The following MPPE1 variants were observed in gnomAD, a reference collection of about 807,000 sequenced individuals.
MPPE1 encodes metallophosphoesterase 1.
A neutral mutation model predicts 43.8 loss-of-function variants in MPPE1; 28 were observed. That is an observed-to-expected ratio of 0.64 (90% CI 0.47 to 0.88). The LOEUF is 0.88. Ranked by LOEUF, MPPE1 falls within the 40% of genes least tolerant of loss-of-function variation. MPPE1 has a pLI of 0.00. For missense variants in MPPE1, 428 were observed against 492.2 expected (o/e 0.87, Z 1.23); for synonymous variants, 159 against 188.5 (o/e 0.84, Z 1.28).
Position 11,884,621 on chromosome 18 carries a change from T to C in MPPE1, c.1015A>G (p.Ile339Val). ...GAGAGGGTGTAGTCTGTGGGCGTGA[T>C]GCTACCCTGGAAAGGAGAAGGGAAA... ...RNNPSFIMGSITPTDYTLSKC... is the reference protein window; with the variant it reads ...RNNPSFIMGSVTPTDYTLSKC... Residue 339 changes from isoleucine to valine, a missense_variant, in exon 11 of 11, where the codon ATC becomes GTC. Physicochemically the swap from Ile to Val is conservative, Grantham distance 29. Coordinates refer to ENST00000588072, the MANE Select transcript of MPPE1 (RefSeq NM_023075.6). The C allele has an allele frequency of 6.2e-7, 1 of 1,613,292 alleles. No individual in the cohort carries two copies. Among genetic ancestry groups the C allele is most frequent in the Non-Finnish European group, 8.5e-7 (1 of 1,179,780 alleles).
At position 11,891,058 on chromosome 18, in the gene MPPE1, A is replaced by C. The variant is rs1399082530; in HGVS notation, c.391-1568T>G. The stretch of plus-strand genomic sequence containing the variant: ...AGGGTAGGGAAAAAAAACAAAAAAA[A>C]CCTCTATTCTAGATAGTAACCAACT... On this transcript the variant is annotated intron_variant, in intron 4 of 10. Coordinates refer to ENST00000588072, the MANE Select transcript of MPPE1 (RefSeq NM_023075.6). 7 of 152,194 alleles carry C rather than the reference A, an allele frequency of 4.6e-5. No homozygotes were observed. The East Asian group carries it at 7.7e-4, about 17-fold the overall frequency. The allele number at this position is 152,194 out of a possible 1,614,324, so 9.4% of individuals were successfully genotyped here.
chr18:11,894,542 T>C (rs1010036662), intron 3 of MPPE1, among the ~76,000 whole-genome samples: 1 of 151,946 alleles, frequency 6.6e-6, no homozygotes, highest in African/African-American at 2.4e-5. Context: ...AAAAATTGCC[T>C]ATTCTGATGC....
chr18:11,889,299 C>G, intron 5 of MPPE1, 88 bp downstream of exon 5: 2 of 840,374 alleles, frequency 2.4e-6, no homozygotes, highest in Non-Finnish European at 3.7e-6. Context: ...CAAGACAGCA[C>G]AAATAGGGCT....
intron 2 of MPPE1, among the ~76,000 whole-genome samples, chr18:11,903,914 T>C (rs142252169): frequency 5.4e-4 from 82 of 152,382 alleles, no homozygotes; most frequent in Admixed American, 1.3e-3. Context: ...GCTCTAAAGC[T>C]TTTTAATAAC....
At chr18:11,892,380 AAAAG>A (rs2038098042) in intron 4 of MPPE1, among the ~76,000 whole-genome samples, 1 of 149,414 alleles carries the variant, frequency 6.7e-6, no homozygotes, top group African/African-American at 2.5e-5. Context: ...AAGAAAAAGA[AAAAG>A]AAAGGGCAGG....
intron 4 of MPPE1, chr18:11,893,118 G>A (rs1174756193): frequency 9.7e-6 from 2 of 205,938 alleles, no homozygotes; most frequent in African/African-American, 2.3e-5. Context: ...TATGTATTTT[G>A]CAATTTCGGT....
rs957367397 is a variant in MPPE1, at chr18:11,897,455, A to T, written c.-92-99T>A. The stretch of plus-strand genomic sequence containing the variant: ...TAATGAGTTACATAATCCTATCTAC[A>T]TTTCCAAATTAATCGTCTTATACTT... On this transcript the variant is annotated intron_variant, in intron 2 of 10. Coordinates refer to ENST00000588072, the MANE Select transcript of MPPE1 (RefSeq NM_023075.6). The T allele has an allele frequency of 5.2e-6, 3 of 576,372 alleles. No homozygotes were observed. The Admixed American group carries it at 9.8e-5, about 19-fold the overall frequency. The allele number at this position is 576,372 out of a possible 1,614,324, so 35.7% of individuals were successfully genotyped here.
chr18:11,885,402 G>GT, intron 10 of MPPE1: 1 of 462,796 alleles, frequency 2.2e-6, no homozygotes, highest in Non-Finnish European at 3.9e-6. Context: ...CACACAGAGT[G>GT]TAAGAGGAGA....
rs149502185 is a variant in MPPE1, at chr18:11,884,436, G to T, written c.*9C>A. On this transcript the variant is annotated 3_prime_UTR_variant, in exon 11 of 11. Transcript: ENST00000588072. Reference sequence around the variant, plus strand: ...CTTGGGCTTTGATATTTATAATGGCGCCTGCTCTTCATCTTGTCTTACGCT... The same window carrying T: ...CTTGGGCTTTGATATTTATAATGGCTCCTGCTCTTCATCTTGTCTTACGCT... 3.1e-6 allele frequency: 5 copies of T among 1,611,820 alleles called. No homozygotes were observed. The highest frequency in any genetic ancestry group is 3.4e-6 in the Non-Finnish European group (4 of 1,178,464).
chr18:11,887,047 G>A, intron 6 of MPPE1, 22 bp from the exon 7 acceptor site: 1 of 1,571,052 alleles, frequency 6.4e-7, no homozygotes, highest in Non-Finnish European at 8.7e-7. Context: ...GGAAACGCAG[G>A]TGAGGCCGCT....
chr18:11,892,330 A>C (rs2038081836), intron 4 of MPPE1, among the ~76,000 whole-genome samples: 1 of 146,168 alleles, frequency 6.8e-6, no homozygotes, highest in African/African-American at 2.5e-5. Context: ...ACAGAGTGAG[A>C]CTCCATCCCC....
At chr18:11,904,472 C>A (rs2039514411) in intron 2 of MPPE1, among the ~76,000 whole-genome samples, 1 of 152,108 alleles carries the variant, frequency 6.6e-6, no homozygotes, top group African/African-American at 2.4e-5. Context: ...GTGTGTGCCA[C>A]CACGCCCCAC....
chr18:11,906,141 G>C (rs914463883), intron 2 of MPPE1, 62 bp downstream of exon 2: 4 of 152,292 alleles, frequency 2.6e-5, no homozygotes, highest in Non-Finnish European at 4.4e-5. Context: ...GAAAGGCAGA[G>C]ATGCACCTCT....
chr18:11,893,676 TCTC>T (rs1382713735), intron 3 of MPPE1, 100 bp from the exon 4 acceptor site: 5 of 907,082 alleles, frequency 5.5e-6, no homozygotes, highest in Admixed American at 4.4e-5. Context: ...ATGGTTCCAC[TCTC>T]CTTCTTCCAG....
chr18:11,894,895 G>A (rs551680780), intron 3 of MPPE1, among the ~76,000 whole-genome samples: 7 of 152,122 alleles, frequency 4.6e-5, no homozygotes, highest in Admixed American at 1.3e-4. Flanking sequence ...CCGGCCGGCC[G>A]GTAAATGGGG....
chr18:11,892,212 T>C (rs1309577647), intron 4 of MPPE1, among the ~76,000 whole-genome samples: 1 of 151,566 alleles, frequency 6.6e-6, no homozygotes, highest in Admixed American at 6.6e-5. Context: ...TGGTGGTGTG[T>C]GCCTGTAATC....
Position 11,897,372 on chromosome 18 carries a change from A to C in MPPE1, c.-92-16T>G. ...AGCTGGGCACCTACGGGAAAAGGAA[A>C]AGAATTCAGTTATGTTCCCTAATAA... is the stretch of plus-strand genomic sequence containing the variant. On this transcript the variant is annotated splice_polypyrimidine_tract_variant and intron_variant, in intron 2 of 10. Transcript: ENST00000588072. The C allele has an allele frequency of 1.9e-6, 2 of 1,065,530 alleles. No individual in the cohort carries two copies. Among genetic ancestry groups the C allele is most frequent in the Non-Finnish European group, 2.8e-6 (2 of 726,714 alleles). 66.0% of individuals were successfully genotyped at this position (1,065,530 alleles called of 1,614,324 possible). A position where few individuals can be genotyped will look rare whatever the true frequency, so the allele number is the denominator to read the frequency against.
Position 11,886,545 on chromosome 18 carries a change from G to A in MPPE1, c.821C>T (p.Pro274Leu). 1 of 1,614,200 alleles carries A rather than the reference G, an allele frequency of 6.2e-7. No homozygotes were observed. Among genetic ancestry groups the A allele is most frequent in the Non-Finnish European group, 8.5e-7 (1 of 1,180,032 alleles). ...AAGCACGTCATAGTTCTCCTTAAATGGGATGTCCCTTTCCTCTGCAGGAGC... is the reference window on the plus strand; with the variant it reads ...AAGCACGTCATAGTTCTCCTTAAATAGGATGTCCCTTTCCTCTGCAGGAGC... ...DAAPAEERDI[P>L]FKENYDVLSR... Residue 274 changes from proline (P) to leucine (L), a missense_variant, in exon 9 of 11, where the codon CCA becomes CTA. Transcript: ENST00000588072. The surrounding 1 kb of genome is among the most constrained non-coding windows in gnomAD (Gnocchi z 4.1).
At chr18:11,893,839 A>G (rs1419001638) in intron 3 of MPPE1, among the ~76,000 whole-genome samples, 2 of 152,128 alleles carry the variant, frequency 1.3e-5, no homozygotes, top group Non-Finnish European at 2.9e-5. Context: ...CCCACTCTGC[A>G]CCCTGCAGCC....
Sources: gnomAD v4.1 joint callset for allele counts (sites outside exome capture counted in the v4.1 genomes callset) on GRCh38, gnomAD v4.1.1 for gene constraint, Gnocchi (gnomAD v3.1) non-coding constraint, MANE v1.5 for transcripts, NCBI Gene and HGNC (gene_info 2026-07-23, HGNC 2026-07-21) for gene names.